Variants in ADAM10 observed in about 807,000 individuals in gnomAD.
ADAM10 encodes disintegrin and metalloproteinase domain-containing protein 10.
A neutral mutation model predicts 90.1 loss-of-function variants in ADAM10; 17 were observed. That is an observed-to-expected ratio of 0.19 (90% confidence interval 0.13 to 0.28). The LOEUF is 0.28. ADAM10 is among the 10% of genes least tolerant of loss of function. The pLI is 1.00. For missense variants in ADAM10, 610 were observed against 914.3 expected, an observed-to-expected ratio of 0.67 and a Z score of 4.29; for synonymous variants, 310 against 298.6, an observed-to-expected ratio of 1.04 and a Z score of -0.40.
At chr15:58,663,101 CTAGT>C (rs1897007493) in intron 5 of ADAM10, among the ~76,000 whole-genome samples, 1 of 152,136 alleles carries the variant, frequency 6.6e-6, no homozygotes, top group South Asian at 2.1e-4. Flanking sequence ...TGTAGAAAGC[CTAGT>C]TAGATATCAG....
chr15:58,610,391 C>T lies in ADAM10; in HGVS notation c.1931G>A (p.Arg644Gln), dbSNP rs779647116. Residue 644 changes from arginine to glutamine, a missense_variant, in exon 14 of 16, where the codon CGG (arginine) becomes CAG (glutamine). Transcript: ENST00000260408. Reference protein sequence around the residue: ...DFRGYCDVFMRCRLVDADGPL... With the variant: ...DFRGYCDVFMQCRLVDADGPL... ...ACCATCAGCATCTACTAATCTGCACCGCATGAAAACATCACAGTAACCTCT... is the reference window on the plus strand; with the variant it reads ...ACCATCAGCATCTACTAATCTGCACTGCATGAAAACATCACAGTAACCTCT... 3.1e-6 allele frequency: 5 copies of T among 1,613,982 alleles called. No individual in the cohort carries two copies. The highest frequency in any genetic ancestry group is 4.2e-6 in the Non-Finnish European group (5 of 1,180,044).
chr15:58,691,529 C>T, intron 2 of ADAM10: 1 of 563,496 alleles, frequency 1.8e-6, no homozygotes, highest in Non-Finnish European at 3.5e-6. Context: ...AGGTGTGAGA[C>T]CACAGCAGTT....
intron 8 of ADAM10, among the ~76,000 whole-genome samples, chr15:58,634,076 C>T (rs998317205): frequency 1.1e-4 from 16 of 151,840 alleles, no homozygotes; most frequent in African/African-American, 3.9e-4. Flanking sequence ...TTTGGGAGGC[C>T]GAGGCAGGCA....
intron 1 of ADAM10, among the ~76,000 whole-genome samples, chr15:58,739,857 T>A (rs559478201): frequency 1.3e-5 from 2 of 152,240 alleles, no homozygotes; most frequent in African/African-American, 2.4e-5. Context: ...GCCAGTACCA[T>A]GAAGGCTGCT....
At chr15:58,625,634 T>C (rs1428921374) in intron 10 of ADAM10, among the ~76,000 whole-genome samples, 5 of 152,188 alleles carry the variant, frequency 3.3e-5, no homozygotes, top group African/African-American at 1.2e-4. Flanking sequence ...TGCTATATGG[T>C]CCATCAATTC....
intron 2 of ADAM10, chr15:58,693,217 C>G (rs1314091628): frequency 4.6e-6 from 3 of 650,212 alleles, no homozygotes; most frequent in Non-Finnish European, 8.6e-6. Context: ...AAAAGGCTTA[C>G]AAGTACTAGA....
chr15:58,738,655 A>G (rs1401370869), intron 1 of ADAM10, among the ~76,000 whole-genome samples: 5 of 152,228 alleles, frequency 3.3e-5, no homozygotes, highest in African/African-American at 1.2e-4. Flanking sequence ...GCTCTTTTAT[A>G]AATTATATAC....
chr15:58,652,037 T>G (rs1896700678), intron 5 of ADAM10, among the ~76,000 whole-genome samples: 1 of 152,212 alleles, frequency 6.6e-6, no homozygotes, highest in African/African-American at 2.4e-5. Flanking sequence ...GTTTGCCATT[T>G]GTATGTCTTC....
intron 4 of ADAM10, among the ~76,000 whole-genome samples, chr15:58,674,798 T>C (rs1450009833): frequency 6.6e-6 from 1 of 152,086 alleles, no homozygotes; most frequent in African/African-American, 2.4e-5. Flanking sequence ...GAACAAGAAA[T>C]AGGAGGTCTT....
chr15:58,665,594 G>A (rs1040159449), intron 4 of ADAM10, among the ~76,000 whole-genome samples: 2 of 151,996 alleles, frequency 1.3e-5, no homozygotes, highest in Non-Finnish European at 2.9e-5. Flanking sequence ...GAGGACTCTA[G>A]CAAATATAAA....
At chr15:58,601,029 A>C (rs1348624383) in intron 14 of ADAM10, among the ~76,000 whole-genome samples, 1 of 152,198 alleles carries the variant, frequency 6.6e-6, no homozygotes, top group Non-Finnish European at 1.5e-5. Context: ...ATTAAAAGGC[A>C]TGTTGTAGCA....
chr15:58,660,997 C>G (rs1260804214), intron 5 of ADAM10, among the ~76,000 whole-genome samples: 3 of 152,240 alleles, frequency 2.0e-5, no homozygotes, highest in Admixed American at 2.0e-4. Context: ...CTGACCCCGG[C>G]TCTACGGTTT....
Position 58,718,540 on chromosome 15 carries a change from T to C in ADAM10, c.56-813A>G, listed in dbSNP as rs987317861. On this transcript the variant is annotated intron_variant, in intron 1 of 15. Transcript: ENST00000260408. ...TCTGGACAAATTTATGTAGAATGAG[T>C]GCTCAGTCTGGGGCTAATTATTTCC... Among the ~76,000 whole-genome samples, 8 of 152,146 alleles carry C rather than the reference T, an allele frequency of 5.3e-5. No individual in the cohort carries two copies. In the East Asian group the frequency reaches 9.6e-4, roughly 18 times the overall value.
At chr15:58,612,762 C>A (rs1049315314) in intron 11 of ADAM10, among the ~76,000 whole-genome samples, 1 of 152,224 alleles carries the variant, frequency 6.6e-6, no homozygotes, top group Non-Finnish European at 1.5e-5. Flanking sequence ...CCGGGCTATA[C>A]CCTGCCCACA....
rs181056263 is a variant in ADAM10, at chr15:58,610,330, T to C, written c.1992A>G (p.Pro664=). ...ATTCAGCAATGTTTTCATAGAGCTC[T>C]GGACTAAAAATTGCTTTTTTAAGCC... The part of the protein sequence containing the change: ...LARLKKAIFS[P]ELYENIAEWI... Residue 664 remains proline (P), a synonymous_variant, in exon 14 of 16, where the codon CCA becomes CCG. Coordinates refer to ENST00000260408, the MANE Select transcript of ADAM10 (RefSeq NM_001110.4). The C allele has an allele frequency of 1.4e-5, 22 of 1,614,180 alleles. No individual in the cohort carries two copies. The East Asian group carries it at 3.3e-4, about 25-fold the overall frequency.
At chr15:58,665,034 G>T in intron 5 of ADAM10, 63 bp downstream of exon 5, 1 of 1,214,048 alleles carries the variant, frequency 8.2e-7, no homozygotes, top group Non-Finnish European at 1.2e-6. Context: ...TATTTTAAAT[G>T]TAGATATACA....
chr15:58,729,972 AACAAAAAC>A (rs1899175901), intron 1 of ADAM10, among the ~76,000 whole-genome samples: 2 of 138,414 alleles, frequency 1.4e-5, no homozygotes, highest in African/African-American at 5.4e-5. Flanking sequence ...AAAAAACAAA[AACAAAAAC>A]AAAAACAAAA....
At chr15:58,719,656 C>T (rs534764433) in intron 1 of ADAM10, among the ~76,000 whole-genome samples, 1 of 152,256 alleles carries the variant, frequency 6.6e-6, no homozygotes, top group African/African-American at 2.4e-5. Context: ...ATATACTTAA[C>T]ACTACTGAAG....
At chr15:58,716,455 A>G (rs1354205575) in intron 2 of ADAM10, among the ~76,000 whole-genome samples, 3 of 152,228 alleles carry the variant, frequency 2.0e-5, no homozygotes, top group Non-Finnish European at 4.4e-5. Flanking sequence ...ACATTAAAAG[A>G]TGATCAGGAT....
Sources: allele counts gnomAD v4.1 joint callset (sites outside exome capture counted in the v4.1 genomes callset), GRCh38; gene constraint gnomAD v4.1.1; transcripts MANE v1.5; gene names NCBI Gene and HGNC (gene_info 2026-07-23, HGNC 2026-07-21).